Variants in DCC observed in about 807,000 individuals in gnomAD.
The protein encoded by DCC is DCC netrin 1 receptor.
In DCC, 58 loss-of-function variants were observed where a neutral mutation model predicts 172.5. That is an observed-to-expected ratio of 0.34 (90% confidence interval 0.27 to 0.42). The LOEUF is 0.42. Among genes scored for constraint, DCC ranks in the 10% least tolerant of loss-of-function variants. The probability of loss-of-function intolerance (pLI) is 1.00; values close to 1 mark genes in which losing one functional copy is unlikely to be tolerated. For synonymous variants in DCC, 709 were observed against 644.5 expected (o/e 1.10, Z -1.52); for missense variants, 1,740 against 1,791.0 (o/e 0.97, Z 0.51).
chr18:52,934,181 C>T (rs12963047), intron 5 of DCC, among the ~76,000 whole-genome samples: 66,020 of 151,588 alleles, frequency 0.44, 14,910 homozygotes, highest in Non-Finnish European at 0.51. Flanking sequence ...AATTATGGCG[C>T]GATTGATATA....
intron 16 of DCC, 75 bp from the exon 17 acceptor site, chr18:53,391,580 C>A (rs1908545740): frequency 1.1e-6 from 1 of 934,870 alleles, no homozygotes; most frequent in Non-Finnish European, 1.8e-6. Context: ...GATGTGTTAC[C>A]ACTGATATTT....
At chr18:52,785,036 A>C (rs1014940212) in intron 2 of DCC, among the ~76,000 whole-genome samples, 2 of 151,836 alleles carry the variant, frequency 1.3e-5, no homozygotes, top group Admixed American at 6.6e-5. Flanking sequence ...GTGGTGTCTG[A>C]TTTACATAGG....
At chr18:53,071,352 G>T (rs963192827) in intron 7 of DCC, among the ~76,000 whole-genome samples, 1 of 152,164 alleles carries the variant, frequency 6.6e-6, no homozygotes, top group African/African-American at 2.4e-5. Context: ...ATTTTCAAAT[G>T]TGAAATGTAT....
chr18:53,463,933 GA>G (rs1450169673), intron 24 of DCC, among the ~76,000 whole-genome samples: 1 of 152,140 alleles, frequency 6.6e-6, no homozygotes, highest in Non-Finnish European at 1.5e-5. Context: ...TAATTTTATT[GA>G]GAGTTAATTT....
chr18:52,775,365 G>A (rs371776339), intron 2 of DCC, among the ~76,000 whole-genome samples: 2 of 152,124 alleles, frequency 1.3e-5, no homozygotes, highest in East Asian at 1.9e-4. Flanking sequence ...GCTGTCTACC[G>A]GAGGCTTGTG....
At chr18:53,492,603 A>G (rs1319865135) in intron 26 of DCC, among the ~76,000 whole-genome samples, 1 of 152,144 alleles carries the variant, frequency 6.6e-6, no homozygotes, top group Non-Finnish European at 1.5e-5. Context: ...TTTGTCAAAG[A>G]TCAGATGGTT....
At chr18:53,124,634 C>T (rs1475685771) in intron 7 of DCC, among the ~76,000 whole-genome samples, 1 of 151,976 alleles carries the variant, frequency 6.6e-6, no homozygotes, top group Non-Finnish European at 1.5e-5. Context: ...GAGGGGAGCT[C>T]AGTGATCAGA....
chr18:52,700,036 G>A (rs1227018691), intron 1 of DCC, among the ~76,000 whole-genome samples: 10 of 137,164 alleles, frequency 7.3e-5, no homozygotes, highest in African/African-American at 2.7e-4. Flanking sequence ...TCCTTTCAGT[G>A]ATCTGTTTAT....
chr18:52,636,637 T>G (rs2034785808), intron 1 of DCC, among the ~76,000 whole-genome samples: 1 of 152,024 alleles, frequency 6.6e-6, no homozygotes, highest in Admixed American at 6.6e-5. Context: ...ACAACTCCAG[T>G]ATACAACTCC....
chr18:53,156,310 C>T lies in DCC; in HGVS notation c.1262-1046C>T, dbSNP rs181536503. Among the ~76,000 whole-genome samples, 1,125 of 152,046 alleles carry T rather than the reference C, an allele frequency of 7.4e-3. 6 individuals carry two copies. The highest frequency in any genetic ancestry group is 8.9e-3 in the South Asian group (43 of 4,828). On this transcript the variant is annotated intron_variant, in intron 7 of 28. Coordinates refer to ENST00000442544, the MANE Select transcript of DCC (RefSeq NM_005215.4). ...CACAGCCTGGCCAACATGGCAAAACCCCATCTTTACTAAATATACAAAAAT... is the reference window on the plus strand; with the variant it reads ...CACAGCCTGGCCAACATGGCAAAACTCCATCTTTACTAAATATACAAAAAT...
chr18:53,324,872 G>A (rs977112833), intron 14 of DCC, among the ~76,000 whole-genome samples: 1 of 151,724 alleles, frequency 6.6e-6, no homozygotes, highest in Non-Finnish European at 1.5e-5. Context: ...TTATTTTATG[G>A]GAGACTAAGT....
chr18:52,796,145 G>A (rs1214371619), intron 2 of DCC, among the ~76,000 whole-genome samples: 1 of 150,058 alleles, frequency 6.7e-6, no homozygotes, highest in Non-Finnish European at 1.5e-5. Flanking sequence ...GTCTTTATAG[G>A]TGGAGTTAGT....
At chr18:52,988,068 TTTTA>T (rs1216822352) in intron 5 of DCC, among the ~76,000 whole-genome samples, 2 of 152,184 alleles carry the variant, frequency 1.3e-5, no homozygotes, top group Non-Finnish European at 2.9e-5. Context: ...GTGCTTGGGG[TTTTA>T]TTTATTTATA....
intron 2 of DCC, among the ~76,000 whole-genome samples, chr18:52,770,834 T>C (rs1158828537): frequency 2.6e-5 from 4 of 152,226 alleles, no homozygotes; most frequent in African/African-American, 9.6e-5. Context: ...TAGAAGTCAG[T>C]AGTTTTAATA....
chr18:53,177,190 G>C (rs1455934198), intron 8 of DCC, among the ~76,000 whole-genome samples: 1 of 150,606 alleles, frequency 6.6e-6, no homozygotes, highest in Non-Finnish European at 1.5e-5. Context: ...GGGGTGGGGG[G>C]AGCGGGGGAG....
intron 9 of DCC, among the ~76,000 whole-genome samples, chr18:53,192,303 T>A: frequency 6.6e-6 from 1 of 152,196 alleles, no homozygotes; most frequent in East Asian, 1.9e-4. Context: ...TTACTGGAAT[T>A]TTTATTGTTG....
At chr18:53,324,973 A>G (rs2057450835) in intron 14 of DCC, among the ~76,000 whole-genome samples, 5 of 152,050 alleles carry the variant, frequency 3.3e-5, no homozygotes, top group Admixed American at 2.6e-4. Context: ...CAGGTGGATC[A>G]CTTGAGGTCA....
At chr18:52,563,760 G>A (rs967763425) in intron 1 of DCC, among the ~76,000 whole-genome samples, 12 of 152,000 alleles carry the variant, frequency 7.9e-5, no homozygotes, top group African/African-American at 2.9e-4. Context: ...TAGTCTCCTC[G>A]GAACTGCATT....
chr18:52,985,053 T>C (rs1417615249), intron 5 of DCC, among the ~76,000 whole-genome samples: 1 of 152,118 alleles, frequency 6.6e-6, no homozygotes, highest in Non-Finnish European at 1.5e-5. Flanking sequence ...TTTTCTTAAA[T>C]ATCATTTTTT....
Sources: allele counts gnomAD v4.1 joint callset (sites outside exome capture counted in the v4.1 genomes callset), GRCh38; gene constraint gnomAD v4.1.1; transcripts MANE v1.5; gene names NCBI Gene and HGNC (gene_info 2026-07-23, HGNC 2026-07-21).